Variants in FRMPD4 observed in about 807,000 individuals in gnomAD.
FRMPD4 encodes the protein FERM and PDZ domain containing 4, also known as FERM and PDZ domain-containing protein 4.
A neutral mutation model predicts 94.1 loss-of-function variants in FRMPD4; 22 were observed. The ratio of observed to expected loss-of-function variants is 0.23; its 90% CI spans 0.17 to 0.33. The LOEUF is 0.33. FRMPD4 is among the 10% of genes least tolerant of loss of function. FRMPD4 has a pLI of 1.00. For synonymous variants in FRMPD4, 631 were observed against 548.6 expected (o/e 1.15, Z -2.10); for missense variants, 1,111 against 1,339.9 (o/e 0.83, Z 2.67).
chrX:12,646,096 A>G lies in FRMPD4; in HGVS notation c.423-28767A>G, dbSNP rs140990325. Among the ~76,000 whole-genome samples, 706 of 112,649 alleles carry G rather than the reference A, an allele frequency of 6.3e-3. 3 individuals carry two copies. Among genetic ancestry groups the G allele is most frequent in the African/African-American group, 0.022 (679 of 31,074 alleles). ...AGCTATGTTCTCAGGTTCTGTAGGA[A>G]GGAAGCTTTTCCACTAATTCTGTTT... On this transcript the variant is annotated intron_variant, in intron 4 of 16. Coordinates refer to ENST00000675598, the MANE Select transcript of FRMPD4 (RefSeq NM_001368397.1).
At chrX:12,314,684 C>CT (rs749196789) in intron 1 of FRMPD4, among the ~76,000 whole-genome samples, 6 of 110,768 alleles carry the variant, frequency 5.4e-5, no homozygotes, top group Admixed American at 9.6e-5. Context: ...GTTTTTATGA[C>CT]TTTTTTTTAA....
chrX:12,479,448 A>ATATATATG (rs761648415), intron 1 of FRMPD4, among the ~76,000 whole-genome samples: 9 of 101,351 alleles, frequency 8.9e-5, no homozygotes, highest in African/African-American at 2.3e-4. Context: ...ACATATATGT[A>ATATATATG]TATATATGTA....
chrX:12,662,422 A>C (rs989935293), intron 4 of FRMPD4, among the ~76,000 whole-genome samples: 1 of 109,178 alleles, frequency 9.2e-6, no homozygotes, highest in Admixed American at 9.8e-5. Flanking sequence ...TCATTGTTCA[A>C]CTCCCACTTA....
At chrX:12,696,534 A>G (rs1167813549) in intron 9 of FRMPD4, among the ~76,000 whole-genome samples, 1 of 102,508 alleles carries the variant, frequency 9.8e-6, no homozygotes, top group Admixed American at 1.1e-4. Context: ...GCAAATCTAA[A>G]CATAACCTCC....
intron 1 of FRMPD4, among the ~76,000 whole-genome samples, chrX:12,457,520 A>C (rs2057346653): frequency 8.9e-6 from 1 of 111,817 alleles, no homozygotes; most frequent in Non-Finnish European, 1.9e-5. Flanking sequence ...TACGGTATAG[A>C]TACTATTATT....
intron 3 of FRMPD4, among the ~76,000 whole-genome samples, chrX:11,912,674 T>C (rs1168928882): frequency 9.0e-6 from 1 of 111,523 alleles, no homozygotes; most frequent in Non-Finnish European, 1.9e-5. Context: ...CCTTCAATAC[T>C]TGTATTTTTT....
intron 1 of FRMPD4, among the ~76,000 whole-genome samples, chrX:12,283,486 C>T (rs767493000): frequency 3.6e-5 from 4 of 112,167 alleles, no homozygotes; most frequent in Non-Finnish European, 7.5e-5. Context: ...TAAATTGGTG[C>T]ACTCTTAATT....
intron 1 of FRMPD4, among the ~76,000 whole-genome samples, chrX:12,480,878 C>T (rs1446853599): frequency 8.9e-6 from 1 of 111,921 alleles, no homozygotes; most frequent in Non-Finnish European, 1.9e-5. Flanking sequence ...TGGATATTTT[C>T]CCTAAATAAA....
chrX:12,269,294 G>T (rs1002085728), intron 1 of FRMPD4, among the ~76,000 whole-genome samples: 8 of 110,550 alleles, frequency 7.2e-5, no homozygotes, highest in African/African-American at 2.6e-4. Flanking sequence ...TGGCTCATTG[G>T]GTGATTTTGG....
intron 4 of FRMPD4, among the ~76,000 whole-genome samples, chrX:12,645,090 T>C (rs1371419943): frequency 9.0e-6 from 1 of 111,360 alleles, no homozygotes; most frequent in African/African-American, 3.3e-5. Flanking sequence ...ACCATTAATG[T>C]GTGTTTTTAT....
At chrX:12,587,770 A>G (rs1405828684) in intron 2 of FRMPD4, among the ~76,000 whole-genome samples, 1 of 110,906 alleles carries the variant, frequency 9.0e-6, no homozygotes, top group African/African-American at 3.3e-5. Context: ...GATCATGTAC[A>G]ATTTTTTGTT....
chrX:12,076,281 G>A (rs1290135335), intron 3 of FRMPD4, among the ~76,000 whole-genome samples: 1 of 109,877 alleles, frequency 9.1e-6, no homozygotes, highest in African/African-American at 3.3e-5. Flanking sequence ...CCTTAGATAG[G>A]ATAATGCTGG....
intron 1 of FRMPD4, among the ~76,000 whole-genome samples, chrX:12,402,192 T>C (rs2056616306): frequency 9.0e-6 from 1 of 111,530 alleles, no homozygotes; most frequent in Non-Finnish European, 1.9e-5. Context: ...ATGCCACCTC[T>C]GCAGTCTTTT....
chrX:12,109,666 T>C, intron 3 of FRMPD4, among the ~76,000 whole-genome samples: 1 of 111,247 alleles, frequency 9.0e-6, no homozygotes. Flanking sequence ...ACAAAATTGA[T>C]AGACCGCTAG....
intron 1 of FRMPD4, among the ~76,000 whole-genome samples, chrX:12,481,892 G>A (rs1399121825): frequency 2.4e-5 from 2 of 82,969 alleles, no homozygotes; most frequent in African/African-American, 4.7e-5. Flanking sequence ...GCAGTGAGCC[G>A]AGATTGCGCC....
chrX:12,155,521 G>A (rs1205428008), intron 1 of FRMPD4, among the ~76,000 whole-genome samples: 2 of 89,253 alleles, frequency 2.2e-5, no homozygotes, highest in African/African-American at 4.4e-5. Flanking sequence ...ATGTCAGCAC[G>A]TTGGCTGAAC....
At chrX:12,446,565 G>A (rs2057197428) in intron 1 of FRMPD4, among the ~76,000 whole-genome samples, 1 of 111,329 alleles carries the variant, frequency 9.0e-6, no homozygotes, top group South Asian at 3.8e-4. Context: ...ATGGAATCAT[G>A]GGGGTGGTTC....
chrX:11,973,366 G>A (rs1199584148), intron 3 of FRMPD4, among the ~76,000 whole-genome samples: 3 of 112,095 alleles, frequency 2.7e-5, no homozygotes, highest in African/African-American at 9.7e-5. Flanking sequence ...TGCCTGAAAA[G>A]GAAATCAGGT....
intron 1 of FRMPD4, among the ~76,000 whole-genome samples, chrX:12,222,169 C>A (rs1469153272): frequency 1.8e-5 from 2 of 110,570 alleles, no homozygotes; most frequent in Non-Finnish European, 3.8e-5. Context: ...TCTGTCCCTA[C>A]AAAAAATAAA....
Sources: allele counts gnomAD v4.1 joint callset (sites outside exome capture counted in the v4.1 genomes callset), GRCh38; gene constraint gnomAD v4.1.1; transcripts MANE v1.5; gene names NCBI Gene and HGNC (gene_info 2026-07-23, HGNC 2026-07-21).